EHMT1: variants seen among roughly 807,000 people sequenced by gnomAD.
The protein encoded by EHMT1 is histone-lysine N-methyltransferase EHMT1.
EHMT1 carries 15 observed loss-of-function variants against 147.2 expected under a neutral mutation model. That is an observed-to-expected ratio of 0.10 (90% CI 0.07 to 0.16). EHMT1 has a LOEUF of 0.16. Ranked by LOEUF, EHMT1 falls within the 10% of genes least tolerant of loss-of-function variation. The pLI is 1.00. For synonymous variants in EHMT1, 795 were observed against 709.6 expected (o/e 1.12, Z -1.91); for missense variants, 1,587 against 1,772.4 (o/e 0.90, Z 1.88).
intron 18 of EHMT1, among the ~76,000 whole-genome samples, chr9:137,807,759 A>C (rs1954074588): frequency 6.6e-6 from 1 of 152,106 alleles, no homozygotes; most frequent in Non-Finnish European, 1.5e-5. Context: ...TCCCCCGCCA[A>C]GGTCTCCCAA....
chr9:137,803,046 G>T (rs985158905), intron 18 of EHMT1: 3 of 1,230,922 alleles, frequency 2.4e-6, no homozygotes, highest in Non-Finnish European at 3.0e-6. Flanking sequence ...CGGAGACTGC[G>T]TGGCGGGGAA....
intron 1 of EHMT1, among the ~76,000 whole-genome samples, chr9:137,680,237 G>A (rs1183355333): frequency 6.6e-6 from 1 of 152,168 alleles, no homozygotes; most frequent in Non-Finnish European, 1.5e-5. Context: ...ACTCTGGGAG[G>A]CCGAGGCGAG....
At chr9:137,693,135 G>A (rs1028054503) in intron 1 of EHMT1, among the ~76,000 whole-genome samples, 4 of 152,118 alleles carry the variant, frequency 2.6e-5, no homozygotes, top group Admixed American at 2.6e-4. Context: ...AACTCGTAGG[G>A]GAGATGGGCT....
chr9:137,716,596 A>C (rs1945327438), intron 2 of EHMT1, 30 bp from the exon 3 acceptor site: 2 of 1,533,926 alleles, frequency 1.3e-6, no homozygotes, highest in Middle Eastern at 3.8e-4. Flanking sequence ...CGTGGCCTGC[A>C]GTCAGTGACA....
chr9:137,699,542 C>T (rs1191785686), intron 1 of EHMT1, among the ~76,000 whole-genome samples: 4 of 152,012 alleles, frequency 2.6e-5, no homozygotes, highest in Non-Finnish European at 4.4e-5. Flanking sequence ...GCTCTAATTG[C>T]CATGCGCCTA....
In EHMT1 at chr9:137,778,103, T is replaced by C. The variant is rs116443577; in HGVS notation, c.2192+48T>C. On this transcript the variant is annotated intron_variant, in intron 13 of 26. Transcript: ENST00000460843. ...AGAGATGTCTCAGAGCCTGTTTTAA[T>C]CTGCACCCCGCGTTTTTCCCCATGG... 2,880 of 1,611,722 alleles carry C rather than the reference T, an allele frequency of 1.8e-3. 50 individuals carry two copies. In the African/African-American group the frequency reaches 0.033, roughly 18 times the overall value.
chr9:137,690,223 A>G (rs1942819148), intron 1 of EHMT1, among the ~76,000 whole-genome samples: 1 of 152,232 alleles, frequency 6.6e-6, no homozygotes, highest in Admixed American at 6.5e-5. Context: ...GACGTCATGT[A>G]GAATTTGGAA....
intron 1 of EHMT1, among the ~76,000 whole-genome samples, chr9:137,627,702 A>G (rs1437236504): frequency 1.5e-5 from 2 of 136,178 alleles, no homozygotes; most frequent in South Asian, 4.7e-4. Flanking sequence ...TATAAGCTGG[A>G]TTTTTTTTTT....
At chr9:137,695,928 C>T (rs1330264222) in intron 1 of EHMT1, among the ~76,000 whole-genome samples, 3 of 152,136 alleles carry the variant, frequency 2.0e-5, no homozygotes, top group South Asian at 2.1e-4. Flanking sequence ...ATGCCATAGC[C>T]GAAAGAACTG....
chr9:137,778,168 T>G, intron 13 of EHMT1, 113 bp downstream of exon 13: 2 of 1,305,366 alleles, frequency 1.5e-6, no homozygotes, highest in Non-Finnish European at 2.2e-6. Flanking sequence ...TTAATGCTGT[T>G]CGTTAGAATA....
chr9:137,658,675 C>T (rs759913047), intron 1 of EHMT1, among the ~76,000 whole-genome samples: 13 of 151,312 alleles, frequency 8.6e-5, no homozygotes, highest in East Asian at 5.8e-4. Context: ...TGCAGTGGTG[C>T]GACGTTGGCT....
chr9:137,804,405 A>G (rs1205138106), intron 18 of EHMT1, among the ~76,000 whole-genome samples: 2 of 152,108 alleles, frequency 1.3e-5, no homozygotes, highest in Non-Finnish European at 1.5e-5. Context: ...TTATGGGCTC[A>G]TTTACGATCC....
At chr9:137,626,195 G>GT (rs1843245054) in intron 1 of EHMT1, among the ~76,000 whole-genome samples, 1 of 151,144 alleles carries the variant, frequency 6.6e-6, no homozygotes. Flanking sequence ...ATTCTTTACT[G>GT]TTTTCTATTC....
chr9:137,717,152 C>T lies in EHMT1; in HGVS notation c.612C>T (p.Arg204=), dbSNP rs761011742. Reference sequence around the variant, plus strand: ...CCGACGTCAAGGTCCACAGGGCACGCAAGACCATGCCGAAGTCCGTCGTGG... The same window carrying T: ...CCGACGTCAAGGTCCACAGGGCACGTAAGACCATGCCGAAGTCCGTCGTGG... ...PGADVKVHRA[R]KTMPKSVVGL... is the part of the protein sequence containing the mutation. The change falls in exon 3 of 27, where the codon CGC becomes CGT. Residue 204 remains arginine, a synonymous_variant. Transcript: ENST00000460843. 2 of 1,612,386 alleles carry T rather than the reference C, an allele frequency of 1.2e-6. No individual in the cohort carries two copies. Among genetic ancestry groups the T allele is most frequent in the African/African-American group, 2.7e-5 (2 of 74,938 alleles).
At chr9:137,695,712 A>G (rs1943347483) in intron 1 of EHMT1, among the ~76,000 whole-genome samples, 1 of 152,202 alleles carries the variant, frequency 6.6e-6, no homozygotes, top group Admixed American at 6.5e-5. Flanking sequence ...CACAGTGGCT[A>G]GGCAGCACAG....
At chr9:137,623,892 C>G (rs1475959426) in intron 1 of EHMT1, among the ~76,000 whole-genome samples, 1 of 152,100 alleles carries the variant, frequency 6.6e-6, no homozygotes, top group Non-Finnish European at 1.5e-5. Context: ...TGATAGTTCT[C>G]TGCAGCCTTG....
intron 1 of EHMT1, among the ~76,000 whole-genome samples, chr9:137,672,094 CTGAG>C (rs1940735953): frequency 6.6e-6 from 1 of 152,218 alleles, no homozygotes; most frequent in African/African-American, 2.4e-5. Context: ...TCATTCTGTG[CTGAG>C]TGTCAGGCAC....
In EHMT1 at chr9:137,776,823, G is replaced by A. The variant is rs1588650026; in HGVS notation, c.1997G>A (p.Arg666Lys). ...GAGAAGGGCTCGGCCCTGGAGGGCAGGGCCGACACCACAACGGGCAGGTAC... is the reference window on the plus strand; with the variant it reads ...GAGAAGGGCTCGGCCCTGGAGGGCAAGGCCGACACCACAACGGGCAGGTAC... Reference protein sequence around the residue: ...GQEKGSALEGRADTTTGSAAG... With the variant: ...GQEKGSALEGKADTTTGSAAG... Residue 666 changes from arginine (R) to lysine (K), a missense_variant, in exon 12 of 27, where the codon AGG (arginine) becomes AAG (lysine). Around this residue, in one of 7 missense-constraint regions of EHMT1, gnomAD observed 77 missense variants for 79.3 expected, o/e 0.97. Transcript: ENST00000460843. The surrounding 1 kb of genome is among the most constrained non-coding windows in gnomAD (Gnocchi z 4.4). 1.9e-6 allele frequency: 3 copies of A among 1,613,940 alleles called. No individual in the cohort carries two copies. The highest frequency in any genetic ancestry group is 2.5e-6 in the Non-Finnish European group (3 of 1,180,004).
intron 1 of EHMT1, among the ~76,000 whole-genome samples, chr9:137,698,724 G>A (rs745625475): frequency 3.3e-5 from 5 of 152,056 alleles, no homozygotes; most frequent in Admixed American, 1.3e-4. Flanking sequence ...GGCCAGTGTC[G>A]CAGTCAACAC....
Sources: gnomAD v4.1 joint callset for allele counts (sites outside exome capture counted in the v4.1 genomes callset) on GRCh38, gnomAD v4.1.1 for gene constraint, gnomAD v4.1.1 regional missense constraint, Gnocchi (gnomAD v3.1) non-coding constraint, MANE v1.5 for transcripts, NCBI Gene and HGNC (gene_info 2026-07-23, HGNC 2026-07-21) for gene names.